Variants in CHD9 observed in about 807,000 individuals in gnomAD.
CHD9 encodes ATP-dependent chromatin remodeler CHD9.
A neutral mutation model predicts 316.1 loss-of-function variants in CHD9; 77 were observed. The observed-to-expected ratio is 0.24, with a 90% CI of 0.20 to 0.29. CHD9 has a LOEUF of 0.29. Ranked by LOEUF, CHD9 falls within the 10% of genes least tolerant of loss-of-function variation. The pLI, the probability that CHD9 is intolerant of heterozygous loss-of-function variation, is 1.00. For missense variants in CHD9, 2,763 were observed against 3,438.1 expected (o/e 0.80, Z 4.91); for synonymous variants, 1,129 against 1,158.3 (o/e 0.97, Z 0.51).
intron 2 of CHD9, among the ~76,000 whole-genome samples, chr16:53,173,586 T>A (rs1183608345): frequency 6.6e-6 from 1 of 151,898 alleles, no homozygotes; most frequent in Non-Finnish European, 1.5e-5. Flanking sequence ...GCTCTGTTGC[T>A]CAGGCTGGAG....
intron 22 of CHD9, among the ~76,000 whole-genome samples, chr16:53,269,524 G>A (rs1399668091): frequency 6.6e-6 from 1 of 152,160 alleles, no homozygotes; most frequent in Admixed American, 6.5e-5. Flanking sequence ...GAAAACAACA[G>A]AAAGCACCCA....
At chr16:53,144,397 T>C (rs75991157) in intron 1 of CHD9, among the ~76,000 whole-genome samples, 5 of 152,194 alleles carry the variant, frequency 3.3e-5, no homozygotes, top group Admixed American at 6.5e-5. Context: ...TTGGTCTCTG[T>C]TAAGAAGAAA....
intron 30 of CHD9, among the ~76,000 whole-genome samples, chr16:53,297,701 A>G (rs1379948361): frequency 2.0e-5 from 3 of 152,248 alleles, no homozygotes; most frequent in African/African-American, 7.2e-5. Flanking sequence ...CATCCTGTCA[A>G]CAGTTCCTCT....
intron 17 of CHD9, among the ~76,000 whole-genome samples, chr16:53,253,287 T>C (rs1380698087): frequency 6.6e-6 from 1 of 152,052 alleles, no homozygotes; most frequent in Non-Finnish European, 1.5e-5. Flanking sequence ...ATTAACAGCA[T>C]TTGCAGTGAC....
At chr16:53,219,006 C>T (rs746214977) in intron 3 of CHD9, among the ~76,000 whole-genome samples, 15 of 152,028 alleles carry the variant, frequency 9.9e-5, no homozygotes, top group Non-Finnish European at 7.4e-5. Flanking sequence ...AGCAAAGTAA[C>T]GGATACCCTT....
At chr16:53,157,947 A>G (rs1176439727) in intron 2 of CHD9, among the ~76,000 whole-genome samples, 1 of 152,206 alleles carries the variant, frequency 6.6e-6, no homozygotes, top group Admixed American at 6.5e-5. Flanking sequence ...GCAAACTTTT[A>G]AGACCTCAGT....
Position 53,254,427 on chromosome 16 carries a change from C to A in CHD9, c.3862-11C>A. On this transcript the variant is annotated splice_polypyrimidine_tract_variant and intron_variant, in intron 17 of 38. Coordinates refer to ENST00000447540, the MANE Select transcript of CHD9 (RefSeq NM_001308319.2). ...GAAACTAATTAAATATGTAACTTTT[C>A]ATTTTTATAGGCCCAAGCTCGTTGC... is the stretch of plus-strand genomic sequence containing the variant. 1 of 1,529,542 alleles carries A rather than the reference C, an allele frequency of 6.5e-7. No homozygotes were observed. Among genetic ancestry groups the A allele is most frequent in the Non-Finnish European group, 8.8e-7 (1 of 1,132,956 alleles). 94.7% of individuals were successfully genotyped at this position (1,529,542 alleles called of 1,614,324 possible).
intron 1 of CHD9, among the ~76,000 whole-genome samples, chr16:53,116,184 C>G (rs112330540): frequency 0.015 from 2,307 of 152,248 alleles, 56 homozygotes; most frequent in African/African-American, 0.053. Context: ...CTGAGCCTCC[C>G]GAGCAGCTGA....
intron 11 of CHD9, among the ~76,000 whole-genome samples, chr16:53,236,022 A>T (rs1050416180): frequency 1.3e-5 from 2 of 152,134 alleles, no homozygotes; most frequent in Non-Finnish European, 2.9e-5. Context: ...CTGAATTGTT[A>T]TGCTTAGTGA....
intron 1 of CHD9, among the ~76,000 whole-genome samples, chr16:53,130,602 C>G (rs2039191512): frequency 1.3e-5 from 2 of 151,318 alleles, no homozygotes; most frequent in East Asian, 2.0e-4. Flanking sequence ...AGAGGGCGCC[C>G]GGCCCCAAGC....
At chr16:53,115,554 C>T (rs946710953) in intron 1 of CHD9, among the ~76,000 whole-genome samples, 5 of 152,320 alleles carry the variant, frequency 3.3e-5, no homozygotes, top group African/African-American at 9.6e-5. Flanking sequence ...GGCTTCAGAA[C>T]CTCTAATAAA....
chr16:53,065,137 A>T (rs976796683), intron 1 of CHD9, among the ~76,000 whole-genome samples: 4 of 152,200 alleles, frequency 2.6e-5, no homozygotes, highest in Admixed American at 1.3e-4. Flanking sequence ...GTTTTTGTGG[A>T]ATCAAAGCAA....
chr16:53,244,579 G>A (rs531726069), intron 13 of CHD9, among the ~76,000 whole-genome samples: 2 of 152,240 alleles, frequency 1.3e-5, no homozygotes, highest in Admixed American at 1.3e-4. Flanking sequence ...GTTAAATGAT[G>A]ATCATCCAAA....
rs113895141 is a variant in CHD9 at position 53,266,376 on chromosome 16, C to A, written c.4321-918C>A. Among the ~76,000 whole-genome samples the A allele has an allele frequency of 2.9e-3, 448 of 152,268 alleles. 5 individuals carry two copies. Among genetic ancestry groups the A allele is most frequent in the African/African-American group, 0.01 (419 of 41,550 alleles). On this transcript the variant is annotated intron_variant, in intron 20 of 38. Coordinates refer to ENST00000447540, the MANE Select transcript of CHD9 (RefSeq NM_001308319.2). Reference sequence around the variant, plus strand: ...GTCTGGTCCCTGCCTTCTCTCCTACCATTTGTCCTCTCCTGCTCTAGGACA... The same window carrying A: ...GTCTGGTCCCTGCCTTCTCTCCTACAATTTGTCCTCTCCTGCTCTAGGACA...
In CHD9 at chr16:53,324,418, A is replaced by G. The variant is rs749559811; in HGVS notation, c.8217A>G (p.Thr2739=). 1 of 1,614,044 alleles carries G rather than the reference A, an allele frequency of 6.2e-7. No individual in the cohort carries two copies. The highest frequency in any genetic ancestry group is 2.2e-5 in the East Asian group (1 of 44,888). ...GLLTKPTESG[T]EDKKGSDSKE... ...TGACAAAGCCTACGGAATCTGGGACAGAAGACAAAAAGGGAAGTGACTCTA... is the reference window on the plus strand; with the variant it reads ...TGACAAAGCCTACGGAATCTGGGACGGAAGACAAAAAGGGAAGTGACTCTA... Residue 2739 remains threonine (T), a synonymous_variant, in exon 39 of 39, where the codon ACA becomes ACG. Transcript: ENST00000447540.
intron 2 of CHD9, among the ~76,000 whole-genome samples, chr16:53,189,678 T>A (rs1327834835): frequency 6.6e-6 from 1 of 151,994 alleles, no homozygotes; most frequent in Non-Finnish European, 1.5e-5. Context: ...TGTGTTTGTA[T>A]TTTGGCTTTA....
chr16:53,108,958 T>C (rs2037608188), intron 1 of CHD9, among the ~76,000 whole-genome samples: 1 of 152,104 alleles, frequency 6.6e-6, no homozygotes. Flanking sequence ...GATACTTTGG[T>C]AAGTTTTCAT....
At chr16:53,073,450 A>T (rs2034271992) in intron 1 of CHD9, among the ~76,000 whole-genome samples, 1 of 152,240 alleles carries the variant, frequency 6.6e-6, no homozygotes, top group Non-Finnish European at 1.5e-5. Flanking sequence ...ATGTGAATGT[A>T]CAAATATCTC....
chr16:53,212,592 T>C (rs919947781), intron 3 of CHD9, among the ~76,000 whole-genome samples: 3 of 152,192 alleles, frequency 2.0e-5, no homozygotes, highest in East Asian at 1.9e-4. Flanking sequence ...TTGTCACTTT[T>C]ACAGATTAAC....
Sources: allele counts gnomAD v4.1 joint callset (sites outside exome capture counted in the v4.1 genomes callset), GRCh38; gene constraint gnomAD v4.1.1; transcripts MANE v1.5; gene names NCBI Gene and HGNC (gene_info 2026-07-23, HGNC 2026-07-21).